Variants in GRIA1 observed in about 807,000 individuals in gnomAD.
GRIA1 encodes the protein glutamate receptor 1.
GRIA1 carries 31 observed loss-of-function variants against 99.2 expected under a neutral mutation model. The observed-to-expected ratio is 0.31, with a 90% confidence interval of 0.23 to 0.42. The LOEUF (loss-of-function observed/expected upper bound fraction) is 0.42, where lower values mean the gene tolerates loss of function less well. Ranked by LOEUF, GRIA1 falls within the 10% of genes least tolerant of loss-of-function variation. The probability of loss-of-function intolerance (pLI) is 1.00; values close to 1 mark genes in which losing one functional copy is unlikely to be tolerated. For missense variants in GRIA1, 782 were observed against 1,157.5 expected (o/e 0.68, Z 4.71); for synonymous variants, 438 against 432.4 (o/e 1.01, Z -0.16).
At position 153,812,132 on chromosome 5, in the gene GRIA1, T is replaced by C. The variant is rs1766857229; in HGVS notation, c.*907T>C. On this transcript the variant is annotated 3_prime_UTR_variant, in exon 16 of 16. Transcript: ENST00000285900. ...GTCTGGTGGCTGAAGGCACTTGGCC[T>C]CCTAAACCAAGCAGAATTTTGGGAA... 1 of 151,954 alleles carries C rather than the reference T, an allele frequency of 6.6e-6. No individual in the cohort carries two copies. Among genetic ancestry groups the C allele is most frequent in the South Asian group, 2.1e-4 (1 of 4,802 alleles). The allele number at this position is 151,954 out of a possible 1,614,324, so 9.4% of individuals were successfully genotyped here.
At chr5:153,778,389 G>C (rs1052603363) in intron 13 of GRIA1, among the ~76,000 whole-genome samples, 1 of 152,036 alleles carries the variant, frequency 6.6e-6, no homozygotes, top group African/African-American at 2.4e-5. Flanking sequence ...TAGCATTTTA[G>C]GGGTGGTGAT....
intron 2 of GRIA1, chr5:153,525,516 T>C (rs1366485744): frequency 6.6e-6 from 1 of 151,582 alleles, no homozygotes; most frequent in Non-Finnish European, 1.5e-5. Context: ...AAAAAGAGTA[T>C]AAAATTAAAA....
intron 10 of GRIA1, among the ~76,000 whole-genome samples, chr5:153,700,180 T>A (rs1433544608): frequency 6.6e-6 from 1 of 152,004 alleles, no homozygotes; most frequent in African/African-American, 2.4e-5. Context: ...AGGTCAGGAA[T>A]TTGAGACTAG....
At chr5:153,700,424 C>T (rs1758433734) in intron 10 of GRIA1, among the ~76,000 whole-genome samples, 1 of 151,954 alleles carries the variant, frequency 6.6e-6, no homozygotes, top group Non-Finnish European at 1.5e-5. Context: ...AAAAGCAGCC[C>T]AGGAATTTTT....
chr5:153,689,672 A>C (rs376276588), intron 8 of GRIA1, among the ~76,000 whole-genome samples: 15 of 152,304 alleles, frequency 9.8e-5, no homozygotes, highest in Middle Eastern at 3.4e-3. Context: ...GGGTCTCTAA[A>C]ATAAGTGAGA....
chr5:153,600,457 G>C (rs1417957730), intron 2 of GRIA1, among the ~76,000 whole-genome samples: 1 of 127,986 alleles, frequency 7.8e-6, no homozygotes, highest in Admixed American at 7.9e-5. Flanking sequence ...AGTAGAAAAA[G>C]AGAAATGCCC....
chr5:153,637,815 T>C (rs1187049570), intron 2 of GRIA1, among the ~76,000 whole-genome samples: 1 of 152,192 alleles, frequency 6.6e-6, no homozygotes. Flanking sequence ...GGATGCTAGA[T>C]GGGCAACCTA....
At chr5:153,686,429 C>T (rs1341212582) in intron 8 of GRIA1, 100 bp downstream of exon 8, 4 of 775,002 alleles carry the variant, frequency 5.2e-6, no homozygotes, top group Non-Finnish European at 8.4e-6. Flanking sequence ...TGGACTGGAT[C>T]TTTGAAGAAA....
chr5:153,558,960 G>GA (rs1315334154), intron 2 of GRIA1, among the ~76,000 whole-genome samples: 5 of 152,122 alleles, frequency 3.3e-5, no homozygotes, highest in Non-Finnish European at 5.9e-5. Flanking sequence ...GCATCAAACT[G>GA]AGAGGCAGCC....
intron 15 of GRIA1, among the ~76,000 whole-genome samples, chr5:153,803,302 A>G (rs954780037): frequency 4.6e-5 from 7 of 152,240 alleles, no homozygotes; most frequent in African/African-American, 1.7e-4. Flanking sequence ...ATATGGATTC[A>G]AGCATCAAAA....
At chr5:153,655,691 T>G in intron 4 of GRIA1, 128 bp from the exon 5 acceptor site, 2 of 716,986 alleles carry the variant, frequency 2.8e-6, no homozygotes, top group Non-Finnish European at 5.0e-6. Flanking sequence ...ATGGTTGGGA[T>G]ATTGTAGTTC....
chr5:153,598,062 A>G (rs1260457114), intron 2 of GRIA1, among the ~76,000 whole-genome samples: 1 of 152,162 alleles, frequency 6.6e-6, no homozygotes, highest in Non-Finnish European at 1.5e-5. Flanking sequence ...TGACATGTAA[A>G]TAACAGATTA....
At chr5:153,626,656 T>C (rs897488031) in intron 2 of GRIA1, among the ~76,000 whole-genome samples, 6 of 152,188 alleles carry the variant, frequency 3.9e-5, no homozygotes, top group Non-Finnish European at 8.8e-5. Context: ...AAGGGACAGT[T>C]AGAGTGGAGT....
intron 7 of GRIA1, among the ~76,000 whole-genome samples, chr5:153,680,238 A>C (rs1483836496): frequency 6.6e-6 from 1 of 151,068 alleles, no homozygotes; most frequent in African/African-American, 2.4e-5. Context: ...CTCCCCCTTC[A>C]CTCCGCTGTA....
chr5:153,708,787 C>A (rs886802864), intron 11 of GRIA1, among the ~76,000 whole-genome samples: 1 of 152,150 alleles, frequency 6.6e-6, no homozygotes, highest in African/African-American at 2.4e-5. Flanking sequence ...TGCCAGAGAC[C>A]AGCCACATCT....
intron 11 of GRIA1, among the ~76,000 whole-genome samples, chr5:153,738,019 G>T (rs919619121): frequency 2.0e-5 from 3 of 152,218 alleles, no homozygotes; most frequent in Non-Finnish European, 2.9e-5. Flanking sequence ...CCCCACCAGG[G>T]TGCTAAACTG....
chr5:153,700,626 A>G (rs542546180), intron 10 of GRIA1, among the ~76,000 whole-genome samples: 2 of 152,284 alleles, frequency 1.3e-5, no homozygotes, highest in South Asian at 2.1e-4. Flanking sequence ...TAGAAAGACA[A>G]CAAAAGGCAA....
At chr5:153,622,041 C>T (rs1439833188) in intron 2 of GRIA1, among the ~76,000 whole-genome samples, 1 of 152,130 alleles carries the variant, frequency 6.6e-6, no homozygotes, top group African/African-American at 2.4e-5. Flanking sequence ...CTTTTATCAC[C>T]TTTATTTTAT....
intron 2 of GRIA1, among the ~76,000 whole-genome samples, chr5:153,600,010 C>T (rs556317722): frequency 6.6e-6 from 1 of 152,134 alleles, no homozygotes; most frequent in East Asian, 1.9e-4. Context: ...ATAAGGTGGA[C>T]ACGGAGGCAC....
Sources: gnomAD v4.1 joint callset for allele counts (sites outside exome capture counted in the v4.1 genomes callset) on GRCh38, gnomAD v4.1.1 for gene constraint, MANE v1.5 for transcripts, NCBI Gene and HGNC (gene_info 2026-07-23, HGNC 2026-07-21) for gene names.